The following VPS13B variants were observed in gnomAD, a reference collection of about 807,000 sequenced individuals.
VPS13B encodes intermembrane lipid transfer protein VPS13B.
A neutral mutation model predicts 426.4 loss-of-function variants in VPS13B; 285 were observed. The observed-to-expected ratio is 0.67, with a 90% CI of 0.61 to 0.74. The LOEUF is 0.74. Among genes scored for constraint, VPS13B ranks in the 30% least tolerant of loss-of-function variants. The pLI is 0.00. For synonymous variants in VPS13B, 1,676 were observed against 1,676.4 expected (o/e 1.00, Z 0.01); for missense variants, 4,537 against 4,782.6 (o/e 0.95, Z 1.51).
At chr8:99,775,911 A>G (rs538537441) in intron 40 of VPS13B, among the ~76,000 whole-genome samples, 4 of 152,162 alleles carry the variant, frequency 2.6e-5, no homozygotes, top group Admixed American at 1.3e-4. Context: ...TCAAAAAAAA[A>G]AGAAAAGATT....
intron 19 of VPS13B, among the ~76,000 whole-genome samples, chr8:99,310,260 C>T (rs201609439): frequency 6.6e-5 from 10 of 152,194 alleles, no homozygotes; most frequent in Admixed American, 3.3e-4. Context: ...TGTCTTGTGC[C>T]GGTTTTCAAA....
intron 25 of VPS13B, among the ~76,000 whole-genome samples, chr8:99,493,780 T>TAAAAAAAAAAAAAAAA (rs376555643): frequency 8.2e-5 from 5 of 61,140 alleles, no homozygotes; most frequent in South Asian, 5.4e-4. Context: ...AGACTCTATC[T>TAAAAAAAAAAAAAAAA]AAAAAAAAAA....
In VPS13B at chr8:99,715,417, A is replaced by G. The variant is rs1563878351; in HGVS notation, c.6455-1754A>G. ...TTTCACTCACTCATATTATTCAGGTATCTCTTCTTTGATGTTTTAAAATAA... is the reference window on the plus strand; with the variant it reads ...TTTCACTCACTCATATTATTCAGGTGTCTCTTCTTTGATGTTTTAAAATAA... On this transcript the variant is annotated intron_variant, in intron 36 of 61. Transcript: ENST00000357162. 2.0e-5 allele frequency among the ~76,000 whole-genome samples: 3 copies of G among 152,304 alleles called. No homozygotes were observed. The East Asian group carries it at 5.8e-4, about 29-fold the overall frequency.
intron 35 of VPS13B, among the ~76,000 whole-genome samples, chr8:99,664,156 A>C (rs936269785): frequency 6.6e-6 from 1 of 151,632 alleles, no homozygotes; most frequent in Admixed American, 6.6e-5. Context: ...ACAGGCACGC[A>C]CCATCACACC....
chr8:99,773,758 A>G (rs575376563), intron 40 of VPS13B, among the ~76,000 whole-genome samples: 54 of 152,312 alleles, frequency 3.5e-4, no homozygotes, highest in Admixed American at 5.9e-4. Context: ...AGAGCACCAG[A>G]TAATTCTGTG....
intron 17 of VPS13B, among the ~76,000 whole-genome samples, chr8:99,247,530 T>TA (rs1817287992): frequency 6.6e-6 from 1 of 152,232 alleles, no homozygotes; most frequent in Admixed American, 6.5e-5. Context: ...GGGTTGAAAT[T>TA]ATCTTGGCTT....
chr8:99,525,680 C>G (rs1822604778), intron 30 of VPS13B, among the ~76,000 whole-genome samples: 3 of 152,094 alleles, frequency 2.0e-5, no homozygotes, highest in Admixed American at 6.5e-5. Context: ...AAAGAAAAAT[C>G]CCTGCTCTCA....
chr8:99,756,416 A>C (rs1337338106), intron 39 of VPS13B, among the ~76,000 whole-genome samples: 8 of 152,182 alleles, frequency 5.3e-5, no homozygotes, highest in Non-Finnish European at 1.2e-4. Flanking sequence ...AGGAGAGGAG[A>C]GAAACGGGAA....
chr8:99,796,731 G>A (rs1812842464), intron 43 of VPS13B: 1 of 152,288 alleles, frequency 6.6e-6, no homozygotes, highest in Non-Finnish European at 1.5e-5. Flanking sequence ...GTCAGCTGGA[G>A]GTCATTCAGG....
rs535987441 is a variant in VPS13B at position 99,875,806 on chromosome 8, G to A, written c.*140G>A. ...CCCACCTCAACCCACAAGTAGCTACGACTGCAAGCACCTGCCACCATAAAG... is the reference window on the plus strand; with the variant it reads ...CCCACCTCAACCCACAAGTAGCTACAACTGCAAGCACCTGCCACCATAAAG... On this transcript the variant is annotated 3_prime_UTR_variant, in exon 62 of 62. Transcript: ENST00000357162. The A allele has an allele frequency of 4.6e-5, 52 of 1,122,236 alleles. No homozygotes were observed. In the East Asian group the frequency reaches 9.6e-4, roughly 21 times the overall value. The allele number at this position is 1,122,236 out of a possible 1,614,324, so 69.5% of individuals were successfully genotyped here.
chr8:99,170,924 T>A (rs1178043073), intron 16 of VPS13B, among the ~76,000 whole-genome samples: 2 of 151,750 alleles, frequency 1.3e-5, no homozygotes, highest in African/African-American at 4.8e-5. Context: ...TTTCTATTAG[T>A]TTTTTACTAA....
At chr8:99,561,722 T>C (rs987437710) in intron 31 of VPS13B, among the ~76,000 whole-genome samples, 1 of 152,208 alleles carries the variant, frequency 6.6e-6, no homozygotes, top group African/African-American at 2.4e-5. Context: ...TTAAATACAT[T>C]CTTGACTTAT....
rs373869079 is a variant in VPS13B at position 99,846,700 on chromosome 8, G to A, written c.9943-2076G>A. Among the ~76,000 whole-genome samples the A allele has an allele frequency of 1.0e-3, 155 of 152,302 alleles. 2 individuals carry two copies. In the South Asian group the frequency reaches 0.012, roughly 12 times the overall value. ...TAGGTTTTTTGCCAGAAGAAGTACCGTGAAAGTTCAGATTAATTTGCTTGC... is the reference window on the plus strand; with the variant it reads ...TAGGTTTTTTGCCAGAAGAAGTACCATGAAAGTTCAGATTAATTTGCTTGC... On this transcript the variant is annotated intron_variant, in intron 54 of 61. Transcript: ENST00000357162.
chr8:99,478,633 C>G (rs573306071), intron 24 of VPS13B, among the ~76,000 whole-genome samples: 48 of 151,216 alleles, frequency 3.2e-4, no homozygotes, highest in Non-Finnish European at 6.8e-4. Context: ...ATTTTTAGTA[C>G]AGACGGCGTT....
chr8:99,048,760 A>G (rs1587961593), intron 3 of VPS13B, among the ~76,000 whole-genome samples: 1 of 151,726 alleles, frequency 6.6e-6, no homozygotes, highest in East Asian at 1.9e-4. Context: ...GGTTGCTGTG[A>G]GCCAAGATCA....
chr8:99,733,100 G>C (rs999327718), intron 39 of VPS13B, among the ~76,000 whole-genome samples: 1 of 152,156 alleles, frequency 6.6e-6, no homozygotes, highest in African/African-American at 2.4e-5. Context: ...TGTAAAAAAT[G>C]AAAGAATAGT....
Position 99,776,853 on chromosome 8 carries a change from T to A in VPS13B, c.7326T>A (p.Val2442=), listed in dbSNP as rs2130668217. ...CAGCCCTGGCTGCCTGTACCAGAGT[T>A]GACTCCTGCTTTACCCCATGGTTTG... ...TPTALAACTR[V]DSCFTPWFVP... The change falls in exon 41 of 62, where the codon GTT becomes GTA. Residue 2442 remains valine (V), a synonymous_variant. Transcript: ENST00000357162. The A allele has an allele frequency of 1.2e-6, 2 of 1,614,144 alleles. No individual in the cohort carries two copies. The highest frequency in any genetic ancestry group is 4.5e-5 in the East Asian group (2 of 44,872).
intron 42 of VPS13B, among the ~76,000 whole-genome samples, chr8:99,781,134 A>G (rs537777644): frequency 3.4e-4 from 51 of 152,200 alleles, no homozygotes; most frequent in South Asian, 4.1e-4. Context: ...CCTTTAGGTC[A>G]TAAGTTCAAG....
intron 36 of VPS13B, among the ~76,000 whole-genome samples, chr8:99,711,200 AGGTT>A (rs1227817579): frequency 6.6e-6 from 1 of 152,162 alleles, no homozygotes; most frequent in Non-Finnish European, 1.5e-5. Flanking sequence ...GAGTCACAAC[AGGTT>A]GGTGTGTGCA....
Sources: gnomAD v4.1 joint callset for allele counts (sites outside exome capture counted in the v4.1 genomes callset) on GRCh38, gnomAD v4.1.1 for gene constraint, MANE v1.5 for transcripts, NCBI Gene and HGNC (gene_info 2026-07-23, HGNC 2026-07-21) for gene names.